Variants in VRK1 observed in about 807,000 individuals in gnomAD.
VRK1 encodes the protein VRK serine/threonine kinase 1, also known as serine/threonine-protein kinase VRK1.
VRK1 carries 33 observed loss-of-function variants against 57.1 expected under a neutral mutation model. That is an observed-to-expected ratio of 0.58 (90% confidence interval 0.44 to 0.77). The LOEUF is 0.77. VRK1 is among the 30% of genes least tolerant of loss of function. The probability of loss-of-function intolerance (pLI) is 0.00; values close to 1 mark genes in which losing one functional copy is unlikely to be tolerated. For synonymous variants in VRK1, 137 were observed against 147.8 expected (o/e 0.93, Z 0.53); for missense variants, 413 against 477.3 (o/e 0.87, Z 1.25).
chr14:96,816,354 G>C (rs1285783276), intron 1 of VRK1, among the ~76,000 whole-genome samples: 1 of 152,166 alleles, frequency 6.6e-6, no homozygotes, highest in Non-Finnish European at 1.5e-5. Flanking sequence ...GACTACCGCT[G>C]CTTTACCCAT....
intron 3 of VRK1, among the ~76,000 whole-genome samples, chr14:96,838,678 C>T (rs1887321602): frequency 6.6e-6 from 1 of 152,182 alleles, no homozygotes; most frequent in Non-Finnish European, 1.5e-5. Flanking sequence ...CCAGCTCCCG[C>T]CCACGACACA....
intron 11 of VRK1, among the ~76,000 whole-genome samples, chr14:96,869,988 C>T (rs1888752816): frequency 6.6e-6 from 1 of 152,050 alleles, no homozygotes; most frequent in Non-Finnish European, 1.5e-5. Flanking sequence ...AGATTAGCCT[C>T]CTTAGTTTAT....
At chr14:96,856,762 A>T (rs926231712) in intron 10 of VRK1, among the ~76,000 whole-genome samples, 176 bp downstream of exon 10, 1 of 152,090 alleles carries the variant, frequency 6.6e-6, no homozygotes, top group Admixed American at 6.5e-5. Context: ...AGGTCAGGAG[A>T]TCAAGACCAT....
At chr14:96,855,419 G>A in intron 8 of VRK1, 63 bp downstream of exon 8, 1 of 1,610,824 alleles carries the variant, frequency 6.2e-7, no homozygotes, top group Non-Finnish European at 8.5e-7. Flanking sequence ...TTCCTACATA[G>A]TTCTTAATTA....
At chr14:96,841,077 C>G (rs1304817060) in intron 3 of VRK1, among the ~76,000 whole-genome samples, 2 of 151,978 alleles carry the variant, frequency 1.3e-5, no homozygotes, top group Admixed American at 1.3e-4. Flanking sequence ...AGGCTGGTGT[C>G]AAACTCTTAA....
chr14:96,820,515 A>G (rs1886559364), intron 1 of VRK1, among the ~76,000 whole-genome samples: 2 of 152,190 alleles, frequency 1.3e-5, no homozygotes, highest in African/African-American at 2.4e-5. Flanking sequence ...CCTGGGCCAA[A>G]TGCGTTGTTG....
intron 10 of VRK1, among the ~76,000 whole-genome samples, chr14:96,857,635 C>T (rs773139198): frequency 6.6e-6 from 1 of 152,120 alleles, no homozygotes; most frequent in African/African-American, 2.4e-5. Flanking sequence ...GTTAAGAGGC[C>T]ACTGCAGTAA....
At chr14:96,861,863 G>A (rs1365417030) in intron 11 of VRK1, among the ~76,000 whole-genome samples, 1 of 152,150 alleles carries the variant, frequency 6.6e-6, no homozygotes, top group Non-Finnish European at 1.5e-5. Context: ...TAAAATGGAA[G>A]CCTGAGTGGA....
chr14:96,828,552 A>T (rs1402597163), intron 1 of VRK1, among the ~76,000 whole-genome samples: 4 of 152,320 alleles, frequency 2.6e-5, no homozygotes, highest in Non-Finnish European at 5.9e-5. Flanking sequence ...TATGAATATC[A>T]GTCTTGTCTA....
At chr14:96,870,390 C>G (rs1383841670) in intron 11 of VRK1, among the ~76,000 whole-genome samples, 1 of 152,152 alleles carries the variant, frequency 6.6e-6, no homozygotes. Flanking sequence ...GTACTTGAAC[C>G]ATCTTAACTT....
chr14:96,868,469 A>C (rs1888670073), intron 11 of VRK1, among the ~76,000 whole-genome samples: 1 of 152,192 alleles, frequency 6.6e-6, no homozygotes, highest in African/African-American at 2.4e-5. Flanking sequence ...TCTGTGCAGA[A>C]AACAGCCCTT....
chr14:96,806,718 A>G (rs937211245), intron 1 of VRK1, among the ~76,000 whole-genome samples: 3 of 152,184 alleles, frequency 2.0e-5, no homozygotes, highest in Non-Finnish European at 2.9e-5. Context: ...GTTTGTCATC[A>G]TCATCATTTT....
chr14:96,808,012 T>TCTCTCTCTCC (rs1566683575), intron 1 of VRK1, among the ~76,000 whole-genome samples: 1 of 113,676 alleles, frequency 8.8e-6, no homozygotes. Context: ...CCTCTCTCTC[T>TCTCTCTCTCC]CCCTCTGTGT....
chr14:96,860,234 C>A (rs1431479323), intron 10 of VRK1, among the ~76,000 whole-genome samples: 1 of 152,028 alleles, frequency 6.6e-6, no homozygotes, highest in African/African-American at 2.4e-5. Context: ...ACTTTCTAAT[C>A]TTTATTCTAG....
At position 96,881,331 on chromosome 14, in the gene VRK1, T is replaced by C; in HGVS notation, c.*123T>C. The C allele has an allele frequency of 1.2e-6, 1 of 824,016 alleles. No homozygotes were observed. The highest frequency in any genetic ancestry group is 1.9e-6 in the Non-Finnish European group (1 of 522,086). The allele number at this position is 824,016 out of a possible 1,614,324, so 51.0% of individuals were successfully genotyped here. ...GGTGGAAGTAATGATTAAATACTCA[T>C]GTGTTCAGAAAACATAAACTTTTTT... On this transcript the variant is annotated 3_prime_UTR_variant, in exon 13 of 13. Transcript: ENST00000216639.
At chr14:96,801,563 G>A (rs902061729) in intron 1 of VRK1, among the ~76,000 whole-genome samples, 1 of 152,116 alleles carries the variant, frequency 6.6e-6, no homozygotes, top group African/African-American at 2.4e-5. Context: ...GTGTACCCTT[G>A]AACAACTCAG....
intron 1 of VRK1, among the ~76,000 whole-genome samples, chr14:96,832,350 T>G (rs930838762): frequency 6.6e-6 from 1 of 152,200 alleles, no homozygotes; most frequent in Non-Finnish European, 1.5e-5. Flanking sequence ...TTCTTTCTTT[T>G]CTATATCTCC....
intron 11 of VRK1, among the ~76,000 whole-genome samples, chr14:96,871,961 A>T (rs796407906): frequency 5.3e-5 from 8 of 152,130 alleles, no homozygotes; most frequent in African/African-American, 1.9e-4. Context: ...GTGTGCCACC[A>T]CACCTGGCTA....
intron 1 of VRK1, among the ~76,000 whole-genome samples, chr14:96,828,409 A>G (rs1231028034): frequency 6.6e-6 from 1 of 152,254 alleles, no homozygotes; most frequent in African/African-American, 2.4e-5. Flanking sequence ...CTTAAGGAAT[A>G]GATCAAATGC....
Sources: allele counts gnomAD v4.1 joint callset (sites outside exome capture counted in the v4.1 genomes callset), GRCh38; gene constraint gnomAD v4.1.1; transcripts MANE v1.5; gene names NCBI Gene and HGNC (gene_info 2026-07-23, HGNC 2026-07-21).